The following ESF1 variants were observed in gnomAD, a reference collection of about 807,000 sequenced individuals.
ESF1 encodes the protein ESF1 nucleolar pre-rRNA processing protein.
ESF1 carries 58 observed loss-of-function variants against 92.0 expected under a neutral mutation model. The ratio of observed to expected loss-of-function variants is 0.63; its 90% CI spans 0.51 to 0.78. The LOEUF (loss-of-function observed/expected upper bound fraction) is 0.78. Ranked by LOEUF, ESF1 falls within the 30% of genes least tolerant of loss-of-function variation. ESF1 has a pLI of 0.00. For synonymous variants in ESF1, 321 were observed against 313.7 expected (o/e 1.02, Z -0.24); for missense variants, 922 against 989.1 (o/e 0.93, Z 0.91).
intron 11 of ESF1, among the ~76,000 whole-genome samples, chr20:13,723,596 A>C (rs569314161): frequency 3.9e-5 from 6 of 151,982 alleles, no homozygotes; most frequent in African/African-American, 1.4e-4. Flanking sequence ...AAAATTATAA[A>C]AGATCTCTAA....
At chr20:13,723,472 T>C (rs2049881445) in intron 11 of ESF1, among the ~76,000 whole-genome samples, 1 of 151,750 alleles carries the variant, frequency 6.6e-6, no homozygotes, top group Non-Finnish European at 1.5e-5. Flanking sequence ...ATATTTCATT[T>C]CATTTTCAGC....
chr20:13,761,621 C>G (rs1175828460), intron 8 of ESF1, among the ~76,000 whole-genome samples: 1 of 152,012 alleles, frequency 6.6e-6, no homozygotes, highest in East Asian at 1.9e-4. Context: ...CATTTTTGAG[C>G]AAGCATGCTT....
rs745877111 is a variant in ESF1, at chr20:13,775,180, C to T, written c.1126G>A (p.Gly376Arg). ...ACCTTGACGGAAAATATTACACCTC[C>T]TTTGGGTTTAAATGAATTGAACAGA... is the stretch of plus-strand genomic sequence containing the variant. The part of the protein sequence containing the change: ...LALFNSFKPK[G>R]GVIFSVKIYP... The change falls in exon 4 of 14, where the codon GGA becomes AGA. Residue 376 changes from glycine to arginine, a missense_variant. Gly to Arg is a moderately radical substitution (Grantham distance 125, BLOSUM62 -2). Coordinates refer to ENST00000617257, the MANE Select transcript of ESF1 (RefSeq NM_001276380.2). 3.1e-6 allele frequency: 5 copies of T among 1,606,232 alleles called. No individual in the cohort carries two copies. Among genetic ancestry groups the T allele is most frequent in the Non-Finnish European group, 2.5e-6 (3 of 1,177,350 alleles).
intron 4 of ESF1, among the ~76,000 whole-genome samples, chr20:13,774,308 G>C (rs895978524): frequency 2.0e-5 from 3 of 152,096 alleles, no homozygotes; most frequent in Non-Finnish European, 4.4e-5. Flanking sequence ...GACTGTCAAC[G>C]TGAGGTTCAA....
At chr20:13,767,013 T>G (rs998527608) in intron 7 of ESF1, 89 bp from the exon 8 acceptor site, 2 of 1,263,394 alleles carry the variant, frequency 1.6e-6, no homozygotes, top group Non-Finnish European at 2.2e-6. Flanking sequence ...AACCTGGATG[T>G]TTAACAGTAA....
chr20:13,771,096 AAC>A (rs1451564527), intron 6 of ESF1, among the ~76,000 whole-genome samples: 2 of 152,208 alleles, frequency 1.3e-5, no homozygotes, highest in Non-Finnish European at 2.9e-5. Context: ...CCATCTTAAA[AAC>A]AGAGCCAATA....
intron 9 of ESF1, among the ~76,000 whole-genome samples, chr20:13,746,299 T>TA (rs2050047940): frequency 1.3e-5 from 2 of 152,268 alleles, no homozygotes; most frequent in South Asian, 4.2e-4. Context: ...AATACACACT[T>TA]TAATATATAA....
intron 9 of ESF1, among the ~76,000 whole-genome samples, chr20:13,752,502 C>T (rs1460005636): frequency 6.6e-6 from 1 of 152,114 alleles, no homozygotes; most frequent in East Asian, 1.9e-4. Flanking sequence ...AAAAATTTTT[C>T]TGAATATATT....
intron 9 of ESF1, among the ~76,000 whole-genome samples, chr20:13,747,608 A>G (rs1246294720): frequency 6.8e-6 from 1 of 147,630 alleles, no homozygotes; most frequent in Non-Finnish European, 1.5e-5. Flanking sequence ...AAAAAAAAAG[A>G]GAGAGAAAAT....
chr20:13,721,688 T>C (rs1295849223), intron 11 of ESF1, among the ~76,000 whole-genome samples: 1 of 152,214 alleles, frequency 6.6e-6, no homozygotes, highest in Non-Finnish European at 1.5e-5. Context: ...CTTGCACACC[T>C]GTCCAGTAGA....
intron 12 of ESF1, 50 bp downstream of exon 12, chr20:13,718,858 A>T: frequency 7.4e-7 from 1 of 1,350,606 alleles, no homozygotes; most frequent in Non-Finnish European, 1.0e-6. Context: ...CTTCATTTAA[A>T]TTGTACCTAT....
chr20:13,768,147 C>T (rs1600290402), intron 7 of ESF1, among the ~76,000 whole-genome samples: 1 of 152,254 alleles, frequency 6.6e-6, no homozygotes, highest in East Asian at 1.9e-4. Context: ...TTTACTACAC[C>T]CAGTAACTAA....
intron 8 of ESF1, among the ~76,000 whole-genome samples, chr20:13,760,322 C>T (rs1157345919): frequency 6.6e-6 from 1 of 150,420 alleles, no homozygotes; most frequent in Non-Finnish European, 1.5e-5. Context: ...GCGCCTCTTC[C>T]CGGCCGCCAT....
chr20:13,746,806 A>G (rs2147746214), intron 9 of ESF1, among the ~76,000 whole-genome samples: 1 of 152,370 alleles, frequency 6.6e-6, no homozygotes, highest in Non-Finnish European at 1.5e-5. Context: ...AAAAACATTT[A>G]TAACAGTCAC....
intron 9 of ESF1, among the ~76,000 whole-genome samples, chr20:13,744,107 G>A (rs2050032674): frequency 6.6e-6 from 1 of 152,186 alleles, no homozygotes; most frequent in East Asian, 1.9e-4. Flanking sequence ...ATAAAAAGAG[G>A]CCCATGCCGG....
At position 13,748,584 on chromosome 20, in the gene ESF1, ATATATATAT is replaced by A. The variant is rs1568718458; in HGVS notation, c.1828+11099_1828+11107del. Among the ~76,000 whole-genome samples, 9 of 68,184 alleles carry A rather than the reference ATATATATAT, an allele frequency of 1.3e-4. 2 individuals are homozygous for A. In the South Asian group the frequency reaches 5.1e-3, roughly 38 times the overall value. 44.7% of individuals were successfully genotyped at this position (68,184 alleles called of 152,430 possible). A position where few individuals can be genotyped will look rare whatever the true frequency, so the allele number is the denominator to read the frequency against. Reference sequence around the variant, plus strand: ...TATATATGTGTGTGTGTATATATATATATATATATTTTTTTTTTTTTGAGATGGAGTGTT... The same window carrying A: ...TATATATGTGTGTGTGTATATATATATTTTTTTTTTTTGAGATGGAGTGTT... On this transcript the variant is annotated intron_variant, in intron 9 of 13. Transcript: ENST00000617257.
Position 13,776,253 on chromosome 20 carries a change from T to A in ESF1, c.655A>T (p.Thr219Ser). 1 of 1,612,350 alleles carries A rather than the reference T, an allele frequency of 6.2e-7. No homozygotes were observed. Among genetic ancestry groups the A allele is most frequent in the Non-Finnish European group, 8.5e-7 (1 of 1,179,314 alleles). The change falls in exon 3 of 14, where the codon ACA (threonine) becomes TCA (serine). Residue 219 changes from threonine (T) to serine (S), a missense_variant. Coordinates refer to ENST00000617257, the MANE Select transcript of ESF1 (RefSeq NM_001276380.2). ...TTTTCATAACCATCACTGTCTCTTG[T>A]CATTATGAGTTGAACCACTGCAAAA... ...EMQSVVQLIM[T>S]RDSDGYENST...
At chr20:13,731,874 C>T (rs1231380454) in intron 10 of ESF1, among the ~76,000 whole-genome samples, 3 of 152,224 alleles carry the variant, frequency 2.0e-5, no homozygotes, top group Admixed American at 6.5e-5. Flanking sequence ...GTTCACAGAG[C>T]TTCTGGATAG....
chr20:13,736,545 C>A (rs539912053), intron 9 of ESF1, among the ~76,000 whole-genome samples: 2 of 152,164 alleles, frequency 1.3e-5, no homozygotes, highest in East Asian at 3.9e-4. Flanking sequence ...TAGCATAGTG[C>A]CAGACACATA....
Sources: gnomAD v4.1 joint callset for allele counts (sites outside exome capture counted in the v4.1 genomes callset) on GRCh38, gnomAD v4.1.1 for gene constraint, MANE v1.5 for transcripts, NCBI Gene and HGNC (gene_info 2026-07-23, HGNC 2026-07-21) for gene names.